ABI3BP: variants seen among roughly 807,000 people sequenced by gnomAD.
The protein encoded by ABI3BP is ABI family member 3 binding protein.
A neutral mutation model predicts 268.6 loss-of-function variants in ABI3BP; 216 were observed. The observed-to-expected ratio is 0.80, with a 90% confidence interval of 0.72 to 0.90. The LOEUF (loss-of-function observed/expected upper bound fraction) is 0.90, where lower values mean the gene tolerates loss of function less well. ABI3BP is among the 40% of genes least tolerant of loss of function. The pLI is 0.00. For missense variants in ABI3BP, 2,090 were observed against 2,182.4 expected, an observed-to-expected ratio of 0.96 and a Z score of 0.84; for synonymous variants, 730 against 730.0, an observed-to-expected ratio of 1.00 and a Z score of 0.00.
Position 100,749,583 on chromosome 3 carries a change from GATAC to G in ABI3BP, c.*908_*911del, listed in dbSNP as rs4061093. ...TTAAACAGTTACAAAGACATTCTCT[GATAC>G]ATTCATTCATAGAGGTCTTAACGTA... is the stretch of plus-strand genomic sequence containing the variant. On this transcript the variant is annotated 3_prime_UTR_variant, in exon 68 of 68. Coordinates refer to ENST00000471714, the MANE Select transcript of ABI3BP (RefSeq NM_001375547.2). 0.013 allele frequency: 5,089 copies of G among 397,942 alleles called. 206 individuals carry two copies. The highest frequency in any genetic ancestry group is 0.09 in the African/African-American group (4,366 of 48,610). The allele number at this position is 397,942 out of a possible 1,614,324, so 24.7% of individuals were successfully genotyped here. A position where few individuals can be genotyped will look rare whatever the true frequency, so the allele number is the denominator to read the frequency against.
At chr3:100,990,940 T>A (rs1292483853) in intron 1 of ABI3BP, among the ~76,000 whole-genome samples, 2 of 152,220 alleles carry the variant, frequency 1.3e-5, no homozygotes, top group Non-Finnish European at 2.9e-5. Flanking sequence ...CTGTGATCAA[T>A]TTTTCATTAG....
At position 100,898,718 on chromosome 3, in the gene ABI3BP, C is replaced by T. The variant is rs747604540; in HGVS notation, c.461+44G>A. On this transcript the variant is annotated intron_variant, in intron 4 of 67. Transcript: ENST00000471714. The stretch of plus-strand genomic sequence containing the variant: ...ACAGTCCTGATACTTACATATTCTT[C>T]TAAAGCATGTACAGATGCTATTAAA... The T allele has an allele frequency of 3.8e-6, 6 of 1,582,958 alleles. No individual in the cohort carries two copies. In the African/African-American group the frequency reaches 8.1e-5, roughly 21 times the overall value.
Position 100,840,172 on chromosome 3 carries a change from A to C in ABI3BP, c.1805-8T>G. The C allele has an allele frequency of 6.6e-7, 1 of 1,522,702 alleles. No individual in the cohort carries two copies. Among genetic ancestry groups the C allele is most frequent in the Non-Finnish European group, 8.8e-7 (1 of 1,141,778 alleles). The allele number at this position is 1,522,702 out of a possible 1,614,324, so 94.3% of individuals were successfully genotyped here. On this transcript the variant is annotated splice_polypyrimidine_tract_variant and splice_region_variant and intron_variant, in intron 22 of 67. Transcript: ENST00000471714. Reference sequence around the variant, plus strand: ...TTTTGGTCTTTCGTGGTGCTGAAGAAAGAAAATTAGCAAGTTAATACAAGA... The same window carrying C: ...TTTTGGTCTTTCGTGGTGCTGAAGACAGAAAATTAGCAAGTTAATACAAGA...
At chr3:100,912,029 C>T (rs2056715936) in intron 2 of ABI3BP, 2 of 753,888 alleles carry the variant, frequency 2.7e-6, no homozygotes, top group African/African-American at 1.7e-5. Flanking sequence ...ACAACTTCAA[C>T]ATCATCCATT....
intron 6 of ABI3BP, among the ~76,000 whole-genome samples, chr3:100,876,777 C>T (rs1030194462): frequency 7.9e-5 from 12 of 151,084 alleles, no homozygotes; most frequent in East Asian, 1.9e-4. Context: ...GTCAGGAGTT[C>T]GAGACCAGCC....
At chr3:100,832,119 C>T in intron 31 of ABI3BP, 145 bp downstream of exon 31, 1 of 630,514 alleles carries the variant, frequency 1.6e-6, no homozygotes, top group Non-Finnish European at 2.6e-6. Flanking sequence ...AGATGCTAAG[C>T]TATTCATGTT....
chr3:100,851,137 A>G (rs1268909853), intron 15 of ABI3BP, among the ~76,000 whole-genome samples: 1 of 152,194 alleles, frequency 6.6e-6, no homozygotes, highest in Non-Finnish European at 1.5e-5. Context: ...TATCAGACAT[A>G]TATCTATACC....
intron 4 of ABI3BP, among the ~76,000 whole-genome samples, chr3:100,886,766 C>A (rs1561284541): frequency 6.6e-6 from 1 of 151,692 alleles, no homozygotes; most frequent in Non-Finnish European, 1.5e-5. Flanking sequence ...GAGGTAATAT[C>A]ATTCAATTTT....
At chr3:100,921,870 G>T (rs1339811763) in intron 2 of ABI3BP, among the ~76,000 whole-genome samples, 4 of 152,180 alleles carry the variant, frequency 2.6e-5, no homozygotes, top group East Asian at 1.9e-4. Context: ...GTCACTAAAG[G>T]TTAGCTTGAA....
At chr3:100,834,631 C>T in intron 29 of ABI3BP, 53 bp downstream of exon 29, 1 of 1,500,770 alleles carries the variant, frequency 6.7e-7, no homozygotes, top group Non-Finnish European at 9.0e-7. Flanking sequence ...ACTGCCACCC[C>T]CATGCCACAT....
chr3:100,894,649 A>G (rs11915096), intron 4 of ABI3BP, among the ~76,000 whole-genome samples: 1 of 152,036 alleles, frequency 6.6e-6, no homozygotes, highest in African/African-American at 2.4e-5. Context: ...GTTAAGAGTA[A>G]GTAAACACGG....
At chr3:100,791,150 A>AAT (rs1330288436) in intron 55 of ABI3BP, among the ~76,000 whole-genome samples, 1 of 151,898 alleles carries the variant, frequency 6.6e-6, no homozygotes, top group Non-Finnish European at 1.5e-5. Flanking sequence ...ATGTTAAGAC[A>AAT]ATTTATATAA....
chr3:100,769,495 A>T (rs2096470771), intron 62 of ABI3BP, among the ~76,000 whole-genome samples: 1 of 152,234 alleles, frequency 6.6e-6, no homozygotes, highest in African/African-American at 2.4e-5. Flanking sequence ...ATCCAAGTTG[A>T]TGTGTATTCG....
intron 62 of ABI3BP, among the ~76,000 whole-genome samples, chr3:100,767,591 A>C (rs1461406219): frequency 6.6e-6 from 1 of 151,484 alleles, no homozygotes; most frequent in African/African-American, 2.4e-5. Context: ...TGCAAGTAAA[A>C]TTGATTAAAA....
intron 2 of ABI3BP, chr3:100,912,007 T>C: frequency 1.3e-6 from 1 of 778,390 alleles, no homozygotes; most frequent in Non-Finnish European, 2.3e-6. Context: ...TTTCTGAATG[T>C]CAATTGTATA....
At chr3:100,911,829 A>G (rs2153560601) in intron 2 of ABI3BP, 1 of 1,592,362 alleles carries the variant, frequency 6.3e-7, no homozygotes, top group Non-Finnish European at 8.6e-7. Context: ...ATGCTCCTGC[A>G]AGTTTTTGTG....
intron 4 of ABI3BP, among the ~76,000 whole-genome samples, chr3:100,894,968 C>CAAAAAAAAAAAAAAAAAAAAAA: frequency 1.9e-5 from 1 of 51,312 alleles, no homozygotes; most frequent in Non-Finnish European, 3.8e-5. Flanking sequence ...AAAAAAAAAA[C>CAAAAAAAAAAAAAAAAAAAAAA]AGAAAAAAAA....
At chr3:100,816,033 A>G in intron 43 of ABI3BP, 62 bp from the exon 44 acceptor site, 1 of 1,227,662 alleles carries the variant, frequency 8.1e-7, no homozygotes, top group Non-Finnish European at 1.1e-6. Flanking sequence ...AAAATCCTCA[A>G]TTTTTATTTT....
At position 100,834,538 on chromosome 3, in the gene ABI3BP, A is replaced by G. The variant is rs1390447569; in HGVS notation, c.2281+146T>C. On this transcript the variant is annotated intron_variant, in intron 29 of 67. Coordinates refer to ENST00000471714, the MANE Select transcript of ABI3BP (RefSeq NM_001375547.2). ...GAATGAGGAAGTCACAGGTATCGCC[A>G]GAGCACTGTGTTGGTAGCAGCTGCT... 7.6e-6 allele frequency: 5 copies of G among 659,776 alleles called. No individual in the cohort carries two copies. The African/African-American group carries it at 9.0e-5, about 12-fold the overall frequency. 40.9% of individuals were successfully genotyped at this position (659,776 alleles called of 1,614,324 possible). A position where few individuals can be genotyped will look rare whatever the true frequency, so the allele number is the denominator to read the frequency against.
Sources: allele counts gnomAD v4.1 joint callset (sites outside exome capture counted in the v4.1 genomes callset), GRCh38; gene constraint gnomAD v4.1.1; transcripts MANE v1.5; gene names NCBI Gene and HGNC (gene_info 2026-07-23, HGNC 2026-07-21).